STK32A: variants seen among roughly 807,000 people sequenced by gnomAD.
STK32A encodes the protein serine/threonine kinase 32A.
A neutral mutation model predicts 53.2 loss-of-function variants in STK32A; 41 were observed. The ratio of observed to expected loss-of-function variants is 0.77; its 90% confidence interval spans 0.60 to 1.00. The LOEUF (loss-of-function observed/expected upper bound fraction) is 1.00. Ranked by LOEUF, STK32A falls within the 50% of genes least tolerant of loss-of-function variation. The pLI, the probability that STK32A is intolerant of heterozygous loss-of-function variation, is 0.00. For missense variants in STK32A, 458 were observed against 485.8 expected (o/e 0.94, Z 0.54); for synonymous variants, 166 against 162.8 (o/e 1.02, Z -0.15).
intron 2 of STK32A, among the ~76,000 whole-genome samples, chr5:147,246,001 C>A (rs1188091636): frequency 1.3e-5 from 2 of 152,146 alleles, no homozygotes; most frequent in Non-Finnish European, 2.9e-5. Flanking sequence ...TCGAAAATTT[C>A]TTTTGTTATT....
At position 147,387,289 on chromosome 5, in the gene STK32A, G is replaced by T. The variant is rs1757698580; in HGVS notation, c.*3306G>T. ...GCTAACCCACTGCCATGGTGGCACT[G>T]GTTTTGCCTGAGGTCATTGCTAGGG... is the stretch of plus-strand genomic sequence containing the variant. On this transcript the variant is annotated 3_prime_UTR_variant, in exon 13 of 13. Coordinates refer to ENST00000397936, the MANE Select transcript of STK32A (RefSeq NM_001112724.2). The T allele has an allele frequency of 6.6e-6, 1 of 152,244 alleles. No individual in the cohort carries two copies. Among genetic ancestry groups the T allele is most frequent in the South Asian group, 2.1e-4 (1 of 4,832 alleles). 9.4% of individuals were successfully genotyped at this position (152,244 alleles called of 1,614,324 possible).
Position 147,280,469 on chromosome 5 carries a change from C to T in STK32A, c.260+1071C>T, listed in dbSNP as rs553776142. Among the ~76,000 whole-genome samples the T allele has an allele frequency of 8.7e-4, 132 of 151,770 alleles. 5 individuals are homozygous for T. The Middle Eastern group carries it at 0.044, about 51-fold the overall frequency. On this transcript the variant is annotated intron_variant, in intron 4 of 12. Coordinates refer to ENST00000397936, the MANE Select transcript of STK32A (RefSeq NM_001112724.2). ...GTGGAAAGCACGGTGGGAGTGAGAC[C>T]GGCCCTTCGGTTTTCATGGGAGCTG...
At chr5:147,328,749 T>A (rs975544776) in intron 5 of STK32A, among the ~76,000 whole-genome samples, 1 of 152,212 alleles carries the variant, frequency 6.6e-6, no homozygotes, top group Non-Finnish European at 1.5e-5. Context: ...AGTACTATTC[T>A]ATTTGTTGAT....
intron 6 of STK32A, among the ~76,000 whole-genome samples, chr5:147,350,593 C>G (rs1415207728): frequency 6.6e-6 from 1 of 151,990 alleles, no homozygotes; most frequent in African/African-American, 2.4e-5. Flanking sequence ...GTCTCGAACT[C>G]CTGACCTCAA....
intron 5 of STK32A, among the ~76,000 whole-genome samples, chr5:147,327,104 C>CA (rs1264315700): frequency 6.6e-6 from 1 of 152,090 alleles, no homozygotes; most frequent in Admixed American, 6.5e-5. Context: ...GAAATGGTGT[C>CA]AAATAGCTTT....
chr5:147,400,497 G>T, the STK32A span, among the ~76,000 whole-genome samples: 2 of 152,222 alleles, frequency 1.3e-5, no homozygotes, highest in African/African-American at 2.4e-5. Flanking sequence ...CCTTCAGAAT[G>T]CTAGGCCTTA....
At chr5:147,367,081 T>TTTTTTTTTTTTTTTTTTTTTTTCC (rs1756783056) in intron 8 of STK32A, among the ~76,000 whole-genome samples, 1 of 152,074 alleles carries the variant, frequency 6.6e-6, no homozygotes. Flanking sequence ...GTTTTTTTTT[T>TTTTTTTTTTTTTTTTTTTTTTTCC]CCTCAGGAGA....
intron 2 of STK32A, among the ~76,000 whole-genome samples, chr5:147,267,511 T>C (rs1358757558): frequency 6.6e-6 from 1 of 152,226 alleles, no homozygotes; most frequent in African/African-American, 2.4e-5. Flanking sequence ...TCATGCTGTT[T>C]TGGTAAAAAG....
At chr5:147,339,509 G>C (rs1282713943) in intron 5 of STK32A, among the ~76,000 whole-genome samples, 2 of 152,238 alleles carry the variant, frequency 1.3e-5, no homozygotes, top group African/African-American at 4.8e-5. Flanking sequence ...CCACCTAGTG[G>C]AGCTGTGAGA....
chr5:147,300,408 G>T (rs1038647906), intron 4 of STK32A, among the ~76,000 whole-genome samples: 1 of 152,136 alleles, frequency 6.6e-6, no homozygotes, highest in African/African-American at 2.4e-5. Context: ...TAAGGAACAG[G>T]ATTTATTTCA....
At chr5:147,267,135 A>G (rs951815895) in intron 2 of STK32A, among the ~76,000 whole-genome samples, 3 of 152,164 alleles carry the variant, frequency 2.0e-5, no homozygotes, top group Admixed American at 2.0e-4. Context: ...TACATTATTG[A>G]GTTCCTATTC....
intron 2 of STK32A, among the ~76,000 whole-genome samples, chr5:147,249,153 A>C (rs1753873873): frequency 7.0e-6 from 1 of 142,466 alleles, no homozygotes; most frequent in African/African-American, 2.5e-5. Context: ...TTTAATTTTA[A>C]GATTATGTCA....
At chr5:147,343,106 C>A in intron 6 of STK32A, 63 bp downstream of exon 6, 1 of 1,541,256 alleles carries the variant, frequency 6.5e-7, no homozygotes, top group Non-Finnish European at 9.0e-7. Flanking sequence ...TGATTGTTCC[C>A]AGCAGAGGGG....
chr5:147,373,119 T>G, intron 9 of STK32A, 50 bp from the exon 10 acceptor site: 1 of 1,599,736 alleles, frequency 6.3e-7, no homozygotes, highest in South Asian at 1.1e-5. Context: ...TGATTTTTTT[T>G]TGTCCTTCTA....
the STK32A span, chr5:147,399,192 T>A: frequency 6.2e-7 from 1 of 1,614,212 alleles, no homozygotes; most frequent in Non-Finnish European, 8.5e-7. Context: ...AGGTTGAAGA[T>A]CTTGGCAGCG....
At chr5:147,378,349 A>G (rs1395979867) in intron 11 of STK32A, among the ~76,000 whole-genome samples, 1 of 152,168 alleles carries the variant, frequency 6.6e-6, no homozygotes, top group Non-Finnish European at 1.5e-5. Flanking sequence ...CTCAGGGCAC[A>G]GGCAGATCTT....
intron 4 of STK32A, among the ~76,000 whole-genome samples, chr5:147,279,623 G>A (rs922724476): frequency 2.0e-4 from 30 of 152,138 alleles, no homozygotes; most frequent in African/African-American, 6.8e-4. Flanking sequence ...GAACTCCAGC[G>A]AATGTCATGT....
At chr5:147,315,938 A>G (rs1318935453) in intron 4 of STK32A, among the ~76,000 whole-genome samples, 1 of 152,172 alleles carries the variant, frequency 6.6e-6, no homozygotes, top group Non-Finnish European at 1.5e-5. Flanking sequence ...AAAAAATGAA[A>G]CCAATTAATC....
At chr5:147,357,508 C>A (rs934039440) in intron 7 of STK32A, among the ~76,000 whole-genome samples, 2 of 151,882 alleles carry the variant, frequency 1.3e-5, no homozygotes, top group African/African-American at 4.8e-5. Flanking sequence ...AATATGAAAT[C>A]CTAGGGTATC....
Sources: allele counts gnomAD v4.1 joint callset (sites outside exome capture counted in the v4.1 genomes callset), GRCh38; gene constraint gnomAD v4.1.1; transcripts MANE v1.5; gene names NCBI Gene and HGNC (gene_info 2026-07-23, HGNC 2026-07-21).